STK32B: variants seen among roughly 807,000 people sequenced by gnomAD.
The protein encoded by STK32B is serine/threonine-protein kinase 32B.
A neutral mutation model predicts 52.6 loss-of-function variants in STK32B; 43 were observed. The ratio of observed to expected loss-of-function variants is 0.82; its 90% CI spans 0.64 to 1.05. The LOEUF (loss-of-function observed/expected upper bound fraction) is 1.05. Ranked by LOEUF, STK32B falls within the 50% of genes least tolerant of loss-of-function variation. STK32B has a pLI of 0.00. For missense variants in STK32B, 621 were observed against 534.6 expected (o/e 1.16, Z -1.59); for synonymous variants, 238 against 204.3 (o/e 1.17, Z -1.41).
chr4:5,266,131 C>T (rs1727042709), intron 3 of STK32B, among the ~76,000 whole-genome samples: 1 of 152,144 alleles, frequency 6.6e-6, no homozygotes, highest in Non-Finnish European at 1.5e-5. Flanking sequence ...AGGATTTAAA[C>T]CAAGAATGCT....
chr4:5,247,108 A>T (rs1361153451), intron 3 of STK32B, among the ~76,000 whole-genome samples: 1 of 152,338 alleles, frequency 6.6e-6, no homozygotes, highest in South Asian at 2.1e-4. Flanking sequence ...GCTGTCAGAC[A>T]GGGACATTTA....
At chr4:5,341,120 A>G (rs1733046912) in intron 4 of STK32B, among the ~76,000 whole-genome samples, 2 of 152,346 alleles carry the variant, frequency 1.3e-5, no homozygotes, top group East Asian at 3.9e-4. Context: ...GAGTGCCTGC[A>G]TATATTAACA....
At chr4:5,195,860 A>G (rs991029930) in intron 3 of STK32B, among the ~76,000 whole-genome samples, 2 of 152,202 alleles carry the variant, frequency 1.3e-5, no homozygotes, top group South Asian at 2.1e-4. Context: ...CTTTTTATCA[A>G]CTCACTTGAA....
At chr4:5,054,746 A>G (rs1741932854) in intron 1 of STK32B, among the ~76,000 whole-genome samples, 1 of 152,230 alleles carries the variant, frequency 6.6e-6, no homozygotes, top group Non-Finnish European at 1.5e-5. Context: ...AAGGTTGAAG[A>G]TGCAAACACC....
intron 3 of STK32B, among the ~76,000 whole-genome samples, chr4:5,244,034 A>C (rs959184642): frequency 2.6e-5 from 4 of 151,906 alleles, no homozygotes; most frequent in Admixed American, 1.3e-4. Context: ...ATTGGTCTAA[A>C]TTTCTCTTTT....
chr4:5,073,686 C>T lies in STK32B; in HGVS notation c.52+21771C>T, dbSNP rs143792302. Among the ~76,000 whole-genome samples, 205 of 152,086 alleles carry T rather than the reference C, an allele frequency of 1.3e-3. 2 individuals carry two copies. The highest frequency in any genetic ancestry group is 4.7e-3 in the African/African-American group (196 of 41,564). On this transcript the variant is annotated intron_variant, in intron 1 of 11. Coordinates refer to ENST00000282908, the MANE Select transcript of STK32B (RefSeq NM_018401.3). ...GCCTGCTAGGAACAAATATTTTCAG[C>T]CTTTATTTAATTAAACATCTTTATT... is the stretch of plus-strand genomic sequence containing the variant.
chr4:5,168,696 T>C (rs771498095), intron 3 of STK32B, among the ~76,000 whole-genome samples: 10 of 152,240 alleles, frequency 6.6e-5, no homozygotes, highest in Non-Finnish European at 1.2e-4. Flanking sequence ...GAGAAGTGTT[T>C]TGCGTATTTG....
chr4:5,458,413 C>A (rs1368418717), intron 8 of STK32B, among the ~76,000 whole-genome samples: 1 of 152,162 alleles, frequency 6.6e-6, no homozygotes, highest in African/African-American at 2.4e-5. Flanking sequence ...TCCTCCCAAG[C>A]CCTGTGAGCA....
chr4:5,445,657 G>A (rs62299780), intron 6 of STK32B, among the ~76,000 whole-genome samples: 51,529 of 151,992 alleles, frequency 0.34, 9,341 homozygotes, highest in Non-Finnish European at 0.38. Flanking sequence ...TTTTTCTATT[G>A]AGGTGAAATT....
rs12648905 is a variant in STK32B at position 5,475,744 on chromosome 4, A to G, written c.1106+7674A>G. Among the ~76,000 whole-genome samples the G allele has an allele frequency of 2.7e-4, 40 of 146,822 alleles. No individual in the cohort carries two copies. The East Asian group carries it at 6.2e-3, about 23-fold the overall frequency. On this transcript the variant is annotated intron_variant, in intron 11 of 11. Transcript: ENST00000282908. ...ATTCTGACAAATCTCAGCCAATAAA[A>G]GATGTGGAAAATAAAAAAAAAAAGA... is the stretch of plus-strand genomic sequence containing the variant.
intron 3 of STK32B, among the ~76,000 whole-genome samples, chr4:5,248,653 A>G (rs1402220175): frequency 5.9e-5 from 9 of 152,200 alleles, no homozygotes; most frequent in African/African-American, 1.9e-4. Context: ...ACTATTCACA[A>G]TAGCAAAGAC....
chr4:5,087,487 A>G (rs1712796139), intron 1 of STK32B, among the ~76,000 whole-genome samples: 1 of 152,018 alleles, frequency 6.6e-6, no homozygotes, highest in African/African-American at 2.4e-5. Context: ...AAACTCTCCA[A>G]TTAAAAGATA....
At chr4:5,346,098 CT>C in intron 4 of STK32B, among the ~76,000 whole-genome samples, 1 of 152,170 alleles carries the variant, frequency 6.6e-6, no homozygotes, top group Admixed American at 6.5e-5. Flanking sequence ...ACTATCTTAA[CT>C]CCTGATATTT....
chr4:5,288,364 G>A (rs558586167), intron 3 of STK32B, among the ~76,000 whole-genome samples: 38 of 152,254 alleles, frequency 2.5e-4, no homozygotes, highest in Admixed American at 2.6e-4. Flanking sequence ...TCCCATCAGC[G>A]ATGCATGGAG....
intron 2 of STK32B, among the ~76,000 whole-genome samples, chr4:5,161,321 A>T (rs1718427265): frequency 6.6e-6 from 1 of 152,214 alleles, no homozygotes. Context: ...GCAGCAAGGG[A>T]CAAAAAACCT....
chr4:5,366,844 G>A (rs1398098748), intron 4 of STK32B, among the ~76,000 whole-genome samples: 1 of 152,186 alleles, frequency 6.6e-6, no homozygotes, highest in Non-Finnish European at 1.5e-5. Context: ...CGTACCCAGT[G>A]TGTTACAGGG....
chr4:5,176,068 G>A (rs897835352), intron 3 of STK32B, among the ~76,000 whole-genome samples: 1 of 152,242 alleles, frequency 6.6e-6, no homozygotes, highest in Non-Finnish European at 1.5e-5. Context: ...CTAGCAATGA[G>A]CGAGGCTTTG....
intron 1 of STK32B, among the ~76,000 whole-genome samples, chr4:5,062,853 T>C (rs1347525572): frequency 6.6e-6 from 1 of 152,198 alleles, no homozygotes; most frequent in Non-Finnish European, 1.5e-5. Context: ...GCATGTTTTA[T>C]GTGTTTTTGT....
At position 5,398,752 on chromosome 4, in the gene STK32B, C is replaced by G. The variant is rs556213078; in HGVS notation, c.472+508C>G. Among the ~76,000 whole-genome samples the G allele has an allele frequency of 6.6e-6, 1 of 152,312 alleles. No homozygotes were observed. Among genetic ancestry groups the G allele is most frequent in the African/African-American group, 2.4e-5 (1 of 41,568 alleles). ...GGCTATGTCAGGCTTCTCAAAATTT[C>G]CTTTATGTGCACACAGATCTCCTAG... is the stretch of plus-strand genomic sequence containing the variant. On this transcript the variant is annotated intron_variant, in intron 5 of 11. Coordinates refer to ENST00000282908, the MANE Select transcript of STK32B (RefSeq NM_018401.3). The surrounding 1 kb of genome is among the most constrained non-coding windows in gnomAD (Gnocchi z 4.9).
Sources: allele counts gnomAD v4.1 joint callset (sites outside exome capture counted in the v4.1 genomes callset), GRCh38; gene constraint gnomAD v4.1.1; non-coding constraint Gnocchi (gnomAD v3.1); transcripts MANE v1.5; gene names NCBI Gene and HGNC (gene_info 2026-07-23, HGNC 2026-07-21).